Variants in GULP1 observed in about 807,000 individuals in gnomAD.
The protein encoded by GULP1 is PTB domain-containing engulfment adapter protein 1.
In GULP1, 19 loss-of-function variants were observed where a neutral mutation model predicts 40.9. The ratio of observed to expected loss-of-function variants is 0.46; its 90% CI spans 0.32 to 0.68. The LOEUF (loss-of-function observed/expected upper bound fraction) is 0.68. Among genes scored for constraint, GULP1 ranks in the 30% least tolerant of loss-of-function variants. The probability of loss-of-function intolerance (pLI) is 0.03; values close to 1 mark genes in which losing one functional copy is unlikely to be tolerated. For synonymous variants in GULP1, 119 were observed against 117.6 expected (o/e 1.01, Z -0.08); for missense variants, 312 against 362.2 (o/e 0.86, Z 1.12).
chr2:188,580,350 G>A (rs893182047), intron 9 of GULP1, among the ~76,000 whole-genome samples: 1 of 151,884 alleles, frequency 6.6e-6, no homozygotes, highest in Non-Finnish European at 1.5e-5. Flanking sequence ...TCAGGAGATC[G>A]AGACCATCCC....
At chr2:188,401,991 T>C (rs1346769473) in intron 2 of GULP1, among the ~76,000 whole-genome samples, 1 of 152,168 alleles carries the variant, frequency 6.6e-6, no homozygotes, top group South Asian at 2.1e-4. Context: ...CTACTTTACA[T>C]ATCCACGGGT....
At chr2:188,382,029 A>C (rs2049064651) in intron 1 of GULP1, among the ~76,000 whole-genome samples, 1 of 152,190 alleles carries the variant, frequency 6.6e-6, no homozygotes, top group Admixed American at 6.5e-5. Flanking sequence ...GCCTTAAAAT[A>C]TACTGTGCTA....
rs527684491 is a variant in GULP1, at chr2:188,566,777, T to TG, written c.400-2461dup. Among the ~76,000 whole-genome samples the TG allele has an allele frequency of 1.6e-4, 18 of 115,258 alleles. No homozygotes were observed. The South Asian group carries it at 4.2e-3, about 27-fold the overall frequency. 75.6% of individuals were successfully genotyped at this position (115,258 alleles called of 152,430 possible). ...GCCACTGCACTCCAGCCTGGGTAGC[T>TG]GAGTGAGACTCCATCTCAAAAAAAA... On this transcript the variant is annotated intron_variant, in intron 7 of 11. Coordinates refer to ENST00000409830, the MANE Select transcript of GULP1 (RefSeq NM_016315.4).
chr2:188,544,110 A>ACTCT (rs751823928), intron 7 of GULP1, among the ~76,000 whole-genome samples: 1 of 151,818 alleles, frequency 6.6e-6, no homozygotes, highest in Non-Finnish European at 1.5e-5. Context: ...TTCCACCCTC[A>ACTCT]CTCTCCTACT....
intron 1 of GULP1, chr2:188,294,258 T>G (rs917254508): frequency 1.3e-5 from 2 of 152,196 alleles, no homozygotes; most frequent in African/African-American, 4.8e-5. Context: ...AATTGAATAA[T>G]TCAATTACGT....
chr2:188,514,082 T>TGTGTGTGCGTGC (rs766246317), intron 4 of GULP1, among the ~76,000 whole-genome samples: 1 of 149,254 alleles, frequency 6.7e-6, no homozygotes, highest in Admixed American at 6.7e-5. Context: ...TGTGTGTGTG[T>TGTGTGTGCGTGC]GCGCCCTGCC....
At chr2:188,540,271 T>C (rs1690097408) in intron 6 of GULP1, among the ~76,000 whole-genome samples, 1 of 152,034 alleles carries the variant, frequency 6.6e-6, no homozygotes. Context: ...CAGAAGACTG[T>C]GAAGAATGAA....
chr2:188,313,949 A>G (rs537080571), intron 1 of GULP1, among the ~76,000 whole-genome samples: 2 of 152,034 alleles, frequency 1.3e-5, no homozygotes, highest in Admixed American at 6.6e-5. Context: ...GAAAATGCCT[A>G]ACTAAGGCTT....
chr2:188,296,260 T>C (rs6727073), intron 1 of GULP1, among the ~76,000 whole-genome samples: 114,141 of 152,028 alleles, frequency 0.75, 43,299 homozygotes, highest in East Asian at 0.95. Context: ...CACTTTCAAA[T>C]ACTGGGGATA....
intron 2 of GULP1, among the ~76,000 whole-genome samples, chr2:188,402,809 T>C (rs1322013198): frequency 6.6e-6 from 1 of 152,024 alleles, no homozygotes; most frequent in Non-Finnish European, 1.5e-5. Context: ...ATAATAATAA[T>C]AATAATGGCC....
chr2:188,392,548 T>G (rs1219921408), intron 2 of GULP1, among the ~76,000 whole-genome samples: 10 of 152,038 alleles, frequency 6.6e-5, no homozygotes, highest in African/African-American at 2.4e-4. Context: ...GAGAACCAGC[T>G]TTTTGTTTCA....
intron 2 of GULP1, among the ~76,000 whole-genome samples, chr2:188,474,134 G>A (rs2060815429): frequency 6.6e-6 from 1 of 152,166 alleles, no homozygotes; most frequent in Non-Finnish European, 1.5e-5. Flanking sequence ...CTACCCTGCT[G>A]TCACTGAGCT....
intron 2 of GULP1, among the ~76,000 whole-genome samples, chr2:188,466,851 A>G (rs1214877825): frequency 1.3e-5 from 2 of 152,080 alleles, no homozygotes; most frequent in African/African-American, 4.8e-5. Context: ...ACAGGTAGGG[A>G]TACTCACCGC....
At chr2:188,451,007 T>A (rs2058795176) in intron 2 of GULP1, among the ~76,000 whole-genome samples, 1 of 152,216 alleles carries the variant, frequency 6.6e-6, no homozygotes, top group Non-Finnish European at 1.5e-5. Context: ...AATTAGTAAA[T>A]GGGTATATGC....
intron 2 of GULP1, among the ~76,000 whole-genome samples, chr2:188,400,395 A>G (rs1489870035): frequency 6.6e-6 from 1 of 152,208 alleles, no homozygotes; most frequent in African/African-American, 2.4e-5. Flanking sequence ...CTGGGTGAAC[A>G]TGAACTTTTG....
chr2:188,397,135 A>G (rs1336350246), intron 2 of GULP1, among the ~76,000 whole-genome samples: 1 of 152,066 alleles, frequency 6.6e-6, no homozygotes, highest in African/African-American at 2.4e-5. Flanking sequence ...TTAAGTTTCT[A>G]CCTTGCTTCT....
chr2:188,405,122 C>T (rs1041426001), intron 2 of GULP1, among the ~76,000 whole-genome samples: 3 of 152,092 alleles, frequency 2.0e-5, no homozygotes, highest in Admixed American at 6.5e-5. Context: ...TGCTCCCATG[C>T]GAGGTTTCAG....
intron 6 of GULP1, among the ~76,000 whole-genome samples, chr2:188,540,039 T>A (rs1412288534): frequency 6.6e-6 from 1 of 152,056 alleles, no homozygotes; most frequent in African/African-American, 2.4e-5. Context: ...TTGGGGGATA[T>A]TCAGCCAGCC....
chr2:188,450,156 T>C (rs1300502687), intron 2 of GULP1, among the ~76,000 whole-genome samples: 7 of 152,200 alleles, frequency 4.6e-5, no homozygotes, highest in Admixed American at 4.6e-4. Context: ...AAAGATACTT[T>C]AGTGATCTTG....
Sources: allele counts gnomAD v4.1 joint callset (sites outside exome capture counted in the v4.1 genomes callset), GRCh38; gene constraint gnomAD v4.1.1; transcripts MANE v1.5; gene names NCBI Gene and HGNC (gene_info 2026-07-23, HGNC 2026-07-21).